Variants in KCNG1 observed in about 807,000 individuals in gnomAD.
KCNG1 encodes the protein voltage-gated potassium channel regulatory subunit KCNG1.
In KCNG1, 17 loss-of-function variants were observed where a neutral mutation model predicts 32.4. That is an observed-to-expected ratio of 0.52 (90% CI 0.36 to 0.79). The LOEUF (loss-of-function observed/expected upper bound fraction) is 0.79, where lower values mean the gene tolerates loss of function less well. KCNG1 is among the 30% of genes least tolerant of loss of function. KCNG1 has a pLI of 0.00. For missense variants in KCNG1, 441 were observed against 735.2 expected (o/e 0.60, Z 4.63); for synonymous variants, 358 against 339.9 (o/e 1.05, Z -0.59).
Position 51,004,240 on chromosome 20 carries a change from G to A in KCNG1, c.1341C>T (p.Ser447=), listed in dbSNP as rs1237728565. 6.2e-7 allele frequency: 1 copy of A among 1,614,060 alleles called. No individual in the cohort carries two copies. Among genetic ancestry groups the A allele is most frequent in the Non-Finnish European group, 8.5e-7 (1 of 1,179,978 alleles). ...CTGGGAAGGCCATGAGCAGGATGCC[G>A]CTCAGGATGCTGCTCAGGGCCACTA... is the stretch of plus-strand genomic sequence containing the variant. ...GQVVALSSIL[S]GILLMAFPVT... Residue 447 remains serine (S), a synonymous_variant, in exon 3 of 3, where the codon AGC becomes AGT. Transcript: ENST00000371571. This position sits in a 1 kb window ranked among gnomAD's most constrained non-coding sequence, Gnocchi z 4.3.
In KCNG1 at chr20:51,004,809, G is replaced by T. The variant is rs369952266; in HGVS notation, c.775-3C>A. Reference sequence around the variant, plus strand: ...TGGCACATCTGGGAACAGTGGCCCTGGGAGAGAGGGGAAGGGACGCCGGAG... The same window carrying T: ...TGGCACATCTGGGAACAGTGGCCCTTGGAGAGAGGGGAAGGGACGCCGGAG... On this transcript the variant is annotated splice_polypyrimidine_tract_variant and splice_region_variant and intron_variant, in intron 2 of 2. Coordinates refer to ENST00000371571, the MANE Select transcript of KCNG1 (RefSeq NM_002237.4). The surrounding 1 kb of genome is among the most constrained non-coding windows in gnomAD (Gnocchi z 4.3). 2.6e-5 allele frequency: 41 copies of T among 1,550,400 alleles called. No individual in the cohort carries two copies. The highest frequency in any genetic ancestry group is 3.2e-5 in the Non-Finnish European group (37 of 1,143,374).
chr20:51,010,776 T>A (rs1208023803), intron 1 of KCNG1, among the ~76,000 whole-genome samples: 1 of 152,038 alleles, frequency 6.6e-6, no homozygotes, highest in Non-Finnish European at 1.5e-5. Context: ...GCACCTGTAA[T>A]CCTAGCTACT....
intron 1 of KCNG1, among the ~76,000 whole-genome samples, chr20:51,010,927 CAAA>C (rs978296613): frequency 0.17 from 1,504 of 8,700 alleles, 35 homozygotes; most frequent in African/African-American, 0.41. Flanking sequence ...CAAAACAAAA[CAAA>C]AAAAAAAGAA....
chr20:51,007,427 C>G (rs1987872049), intron 2 of KCNG1, among the ~76,000 whole-genome samples: 1 of 152,098 alleles, frequency 6.6e-6, no homozygotes, highest in African/African-American at 2.4e-5. Context: ...CTAAAGTGAT[C>G]CACCCGCCTC....
rs182866295 is a variant in KCNG1 at position 51,019,883 on chromosome 20, C to T, written c.-27+2987G>A. ...AAACGTTAATCAAAATGGATCCAAC[C>T]ATTAGCCTGGCCCGGGTCCTGGCAT... is the stretch of plus-strand genomic sequence containing the variant. On this transcript the variant is annotated intron_variant, in intron 1 of 2. Transcript: ENST00000371571. Among the ~76,000 whole-genome samples the T allele has an allele frequency of 1.2e-4, 19 of 152,338 alleles. No homozygotes were observed. The East Asian group carries it at 3.3e-3, about 26-fold the overall frequency.
intron 1 of KCNG1, among the ~76,000 whole-genome samples, chr20:51,021,277 T>G (rs757511543): frequency 3.9e-5 from 6 of 152,140 alleles, no homozygotes; most frequent in Non-Finnish European, 8.8e-5. Context: ...CGCTTGCCTG[T>G]TTTTCAAACA....
intron 1 of KCNG1, among the ~76,000 whole-genome samples, chr20:51,016,377 C>T (rs967098438): frequency 6.6e-6 from 1 of 151,896 alleles, no homozygotes; most frequent in Non-Finnish European, 1.5e-5. Context: ...GCAGAGGTTG[C>T]AGTGAGCGGA....
intron 1 of KCNG1, among the ~76,000 whole-genome samples, chr20:51,017,976 A>G (rs778773185): frequency 6.6e-5 from 10 of 152,360 alleles, no homozygotes; most frequent in African/African-American, 9.6e-5. Flanking sequence ...CAATTTTTCT[A>G]TCTTTCCTTT....
At chr20:51,006,109 G>A (rs1987819588) in intron 2 of KCNG1, 2 of 152,166 alleles carry the variant, frequency 1.3e-5, no homozygotes, top group South Asian at 2.1e-4. Context: ...TAGACTTGAA[G>A]CTTCTTGAGG....
intron 2 of KCNG1, among the ~76,000 whole-genome samples, chr20:51,007,549 TC>T (rs1386497095): frequency 6.6e-6 from 1 of 152,182 alleles, no homozygotes. Context: ...AATGCTATTT[TC>T]TTAATACCCA....
intron 1 of KCNG1, among the ~76,000 whole-genome samples, chr20:51,019,399 G>A (rs74443487): frequency 0.089 from 13,538 of 152,050 alleles, 788 homozygotes; most frequent in East Asian, 0.22. Context: ...TAGTCCCAGT[G>A]ACTCAGGAGG....
intron 2 of KCNG1, among the ~76,000 whole-genome samples, chr20:51,007,438 A>G (rs908871998): frequency 2.0e-5 from 3 of 152,228 alleles, no homozygotes; most frequent in African/African-American, 7.2e-5. Flanking sequence ...CACCCGCCTC[A>G]GCCTCCCAAA....
intron 1 of KCNG1, among the ~76,000 whole-genome samples, chr20:51,020,671 A>G (rs1988447157): frequency 1.3e-5 from 2 of 152,116 alleles, no homozygotes; most frequent in Middle Eastern, 6.8e-3. Context: ...AGATTCCTGT[A>G]CCCCTAGACC....
At chr20:51,020,337 G>GAGAC (rs1047371323) in intron 1 of KCNG1, among the ~76,000 whole-genome samples, 2 of 152,162 alleles carry the variant, frequency 1.3e-5, no homozygotes, top group African/African-American at 4.8e-5. Context: ...GGCAGGAAGG[G>GAGAC]AGACACCTGC....
rs200315359 is a variant in KCNG1, at chr20:51,010,078, C to T, written c.261G>A (p.Thr87=). 8.1e-6 allele frequency: 13 copies of T among 1,614,036 alleles called. No homozygotes were observed. The Admixed American group carries it at 1.3e-4, about 17-fold the overall frequency. Reference sequence around the variant, plus strand: ...TGCAGGCCTTGAGCTGGCCCAGGCGCGTCAGCGGGAACTCGTCCAGCGTGG... The same window carrying T: ...TGCAGGCCTTGAGCTGGCCCAGGCGTGTCAGCGGGAACTCGTCCAGCGTGG... The part of the protein sequence containing the change: ...PWTTLDEFPL[T]RLGQLKACTN... Residue 87 remains threonine (T), a synonymous_variant, in exon 2 of 3, where the codon ACG becomes ACA. Coordinates refer to ENST00000371571, the MANE Select transcript of KCNG1 (RefSeq NM_002237.4).
At chr20:51,021,319 C>T (rs1414409834) in intron 1 of KCNG1, among the ~76,000 whole-genome samples, 3 of 152,216 alleles carry the variant, frequency 2.0e-5, no homozygotes, top group Admixed American at 2.0e-4. Flanking sequence ...TATCAGGCGA[C>T]TCTGCAGGGC....
chr20:51,015,421 G>C lies in KCNG1; in HGVS notation c.-26-5057C>G, dbSNP rs1157744737. Reference sequence around the variant, plus strand: ...GAGGGGGGAGATGGGTGTCTCCCAAGGACGGTGCCAGACCATCAATGCTGA... The same window carrying C: ...GAGGGGGGAGATGGGTGTCTCCCAACGACGGTGCCAGACCATCAATGCTGA... On this transcript the variant is annotated intron_variant, in intron 1 of 2. Coordinates refer to ENST00000371571, the MANE Select transcript of KCNG1 (RefSeq NM_002237.4). The surrounding 1 kb of genome is among the most constrained non-coding windows in gnomAD (Gnocchi z 4.4). 6.6e-6 allele frequency among the ~76,000 whole-genome samples: 1 copy of C among 152,196 alleles called. No homozygotes were observed. The highest frequency in any genetic ancestry group is 1.5e-5 in the Non-Finnish European group (1 of 68,038).
Position 51,004,213 on chromosome 20 carries a change from G to C in KCNG1, c.1368C>G (p.Val456=), listed in dbSNP as rs1987726905. 6.2e-7 allele frequency: 1 copy of C among 1,614,028 alleles called. No homozygotes were observed. The highest frequency in any genetic ancestry group is 1.7e-5 in the Admixed American group (1 of 60,006). ...LSGILLMAFP[V]TSIFHTFSRS... ...GGGAGAAGGTGTGGAAGATGGAGGT[G>C]ACTGGGAAGGCCATGAGCAGGATGC... Residue 456 remains valine, a synonymous_variant, in exon 3 of 3, where the codon GTC becomes GTG. Transcript: ENST00000371571. The surrounding 1 kb of genome is among the most constrained non-coding windows in gnomAD (Gnocchi z 4.3).
rs1052648473 is a variant in KCNG1 at position 51,015,218 on chromosome 20, C to T, written c.-26-4854G>A. On this transcript the variant is annotated intron_variant, in intron 1 of 2. Coordinates refer to ENST00000371571, the MANE Select transcript of KCNG1 (RefSeq NM_002237.4). The surrounding 1 kb of genome is among the most constrained non-coding windows in gnomAD (Gnocchi z 4.4). ...TTTGGGATGAACTTTGGAGGAAGAGCCCTCAGGACTGGCTGAGGAATGGGG... is the reference window on the plus strand; with the variant it reads ...TTTGGGATGAACTTTGGAGGAAGAGTCCTCAGGACTGGCTGAGGAATGGGG... Among the ~76,000 whole-genome samples, 1 of 151,802 alleles carries T rather than the reference C, an allele frequency of 6.6e-6. No individual in the cohort carries two copies. Among genetic ancestry groups the T allele is most frequent in the African/African-American group, 2.4e-5 (1 of 41,296 alleles).
Sources: allele counts gnomAD v4.1 joint callset (sites outside exome capture counted in the v4.1 genomes callset), GRCh38; gene constraint gnomAD v4.1.1; non-coding constraint Gnocchi (gnomAD v3.1); transcripts MANE v1.5; gene names NCBI Gene and HGNC (gene_info 2026-07-23, HGNC 2026-07-21).